The following FSHR variants were observed in gnomAD, a reference collection of about 807,000 sequenced individuals.
FSHR encodes follicle stimulating hormone receptor, also known as follicle-stimulating hormone receptor.
A neutral mutation model predicts 52.1 loss-of-function variants in FSHR; 46 were observed. The observed-to-expected ratio is 0.88, with a 90% CI of 0.70 to 1.13. FSHR has a LOEUF of 1.13. FSHR is among the 50% of genes most tolerant of loss of function. FSHR has a pLI of 0.00. For synonymous variants in FSHR, 399 were observed against 309.6 expected, an observed-to-expected ratio of 1.29 and a Z score of -3.03; for missense variants, 964 against 834.6, an observed-to-expected ratio of 1.16 and a Z score of -1.91.
At chr2:49,115,102 T>TA (rs1671553707) in intron 1 of FSHR, among the ~76,000 whole-genome samples, 1 of 147,946 alleles carries the variant, frequency 6.8e-6, no homozygotes, top group Admixed American at 6.9e-5. Flanking sequence ...CTTAGAGTGG[T>TA]ATGTGGAGAA....
At chr2:49,121,014 G>C (rs1572771228) in intron 1 of FSHR, among the ~76,000 whole-genome samples, 1 of 152,232 alleles carries the variant, frequency 6.6e-6, no homozygotes, top group Non-Finnish European at 1.5e-5. Flanking sequence ...GAGACTTTCA[G>C]ATAGCAAGTG....
At chr2:48,987,915 A>G (rs899439160) in intron 6 of FSHR, among the ~76,000 whole-genome samples, 1 of 151,760 alleles carries the variant, frequency 6.6e-6, no homozygotes, top group Non-Finnish European at 1.5e-5. Context: ...ATGATTCAGT[A>G]TCACTCACCT....
At chr2:48,997,485 G>A (rs1676074137) in intron 4 of FSHR, among the ~76,000 whole-genome samples, 1 of 151,484 alleles carries the variant, frequency 6.6e-6, no homozygotes, top group Non-Finnish European at 1.5e-5. Context: ...TTTTGAGCAG[G>A]GCATGTAGCA....
At chr2:49,029,928 A>G (rs1277005095) in intron 2 of FSHR, among the ~76,000 whole-genome samples, 16 of 152,206 alleles carry the variant, frequency 1.1e-4, no homozygotes, top group Admixed American at 1.0e-3. Context: ...AGCCAGCCTC[A>G]TCCTTGGCAG....
intron 1 of FSHR, among the ~76,000 whole-genome samples, chr2:49,077,013 G>A (rs1446035783): frequency 2.0e-5 from 3 of 152,180 alleles, no homozygotes; most frequent in Non-Finnish European, 4.4e-5. Context: ...CAAACTGTCG[G>A]TGGATCTACC....
At chr2:49,086,574 C>T (rs552292526) in intron 1 of FSHR, among the ~76,000 whole-genome samples, 2 of 152,226 alleles carry the variant, frequency 1.3e-5, no homozygotes, top group Admixed American at 6.5e-5. Context: ...ATTTTTCATA[C>T]TATAAATGCC....
chr2:48,995,042 G>A (rs1418825231), intron 4 of FSHR, among the ~76,000 whole-genome samples: 1 of 152,146 alleles, frequency 6.6e-6, no homozygotes, highest in Non-Finnish European at 1.5e-5. Flanking sequence ...GTGACCCTGA[G>A]GCTCTAAGGC....
chr2:49,068,632 A>T (rs1049693403), intron 1 of FSHR, among the ~76,000 whole-genome samples: 1 of 151,538 alleles, frequency 6.6e-6, no homozygotes, highest in South Asian at 2.1e-4. Context: ...CTCTTCCTCT[A>T]CTCCAACCCC....
At chr2:49,081,246 G>A (rs1670159052) in intron 1 of FSHR, among the ~76,000 whole-genome samples, 1 of 152,102 alleles carries the variant, frequency 6.6e-6, no homozygotes, top group South Asian at 2.1e-4. Flanking sequence ...GATTAAAGAT[G>A]CATATATATC....
chr2:49,039,786 G>C (rs1306340302), intron 2 of FSHR, among the ~76,000 whole-genome samples: 1 of 152,162 alleles, frequency 6.6e-6, no homozygotes, highest in East Asian at 1.9e-4. Flanking sequence ...GGTTATAAAA[G>C]AGCATGTGTA....
chr2:48,997,917 T>C (rs566353294), intron 4 of FSHR, among the ~76,000 whole-genome samples: 3 of 152,094 alleles, frequency 2.0e-5, no homozygotes, highest in African/African-American at 7.2e-5. Flanking sequence ...CACAGTGGAC[T>C]TTCCCAGATT....
chr2:49,042,135 A>G (rs1668498245), intron 2 of FSHR, among the ~76,000 whole-genome samples: 1 of 152,152 alleles, frequency 6.6e-6, no homozygotes, highest in African/African-American at 2.4e-5. Context: ...CATTCATTTT[A>G]GAAATATTTC....
At chr2:49,092,826 C>T (rs1476636150) in intron 1 of FSHR, among the ~76,000 whole-genome samples, 1 of 151,984 alleles carries the variant, frequency 6.6e-6, no homozygotes, top group African/African-American at 2.4e-5. Flanking sequence ...CCACCATGCG[C>T]AGCTATTTTT....
At chr2:49,113,309 C>G (rs1358373610) in intron 1 of FSHR, among the ~76,000 whole-genome samples, 2 of 152,184 alleles carry the variant, frequency 1.3e-5, no homozygotes, top group African/African-American at 4.8e-5. Flanking sequence ...CTGTATGCAG[C>G]TCTGTGCAAG....
chr2:49,127,900 T>TC lies in FSHR; in HGVS notation c.152+26365_152+26366insG, dbSNP rs1483408974. 1.8e-3 allele frequency among the ~76,000 whole-genome samples: 209 copies of TC among 113,500 alleles called. 6 individuals are homozygous for TC. Among genetic ancestry groups the TC allele is most frequent in the African/African-American group, 8.7e-3 (191 of 22,050 alleles). The allele number at this position is 113,500 out of a possible 152,430, so 74.5% of individuals were successfully genotyped here. On this transcript the variant is annotated intron_variant, in intron 1 of 9. Transcript: ENST00000406846. ...TTCTTCTTCTTCTTCTTCTTCTTCT[T>TC]TTTTTTTTTTGAGACGGAGTCTTAC...
intron 4 of FSHR, among the ~76,000 whole-genome samples, chr2:49,015,145 G>C (rs1485149071): frequency 6.6e-6 from 1 of 152,134 alleles, no homozygotes; most frequent in Non-Finnish European, 1.5e-5. Flanking sequence ...CTGAGGTTTA[G>C]GGAAAGTAAT....
chr2:49,055,379 T>C (rs576739289), intron 2 of FSHR, among the ~76,000 whole-genome samples: 5 of 151,356 alleles, frequency 3.3e-5, no homozygotes, highest in African/African-American at 1.2e-4. Flanking sequence ...CTACAAAATT[T>C]ATGAGGCATA....
chr2:49,009,342 T>C (rs944868033), intron 4 of FSHR, among the ~76,000 whole-genome samples: 19 of 152,148 alleles, frequency 1.2e-4, no homozygotes, highest in Non-Finnish European at 2.8e-4. Flanking sequence ...GTTGTAGATA[T>C]GCAGCGTTAT....
At chr2:49,061,693 ATATT>A (rs1486618528) in intron 2 of FSHR, among the ~76,000 whole-genome samples, 1 of 140,866 alleles carries the variant, frequency 7.1e-6, no homozygotes, top group Non-Finnish European at 1.5e-5. Context: ...CTATATATTT[ATATT>A]TATATATATT....
Sources: gnomAD v4.1 joint callset for allele counts (sites outside exome capture counted in the v4.1 genomes callset) on GRCh38, gnomAD v4.1.1 for gene constraint, MANE v1.5 for transcripts, NCBI Gene and HGNC (gene_info 2026-07-23, HGNC 2026-07-21) for gene names.